Variants in BRWD1 observed in about 807,000 individuals in gnomAD.
The protein encoded by BRWD1 is bromodomain and WD repeat-containing protein 1.
In BRWD1, 82 loss-of-function variants were observed where a neutral mutation model predicts 251.2. That is an observed-to-expected ratio of 0.33 (90% CI 0.27 to 0.39). The LOEUF is 0.39. Ranked by LOEUF, BRWD1 falls within the 10% of genes least tolerant of loss-of-function variation. The pLI is 1.00. For synonymous variants in BRWD1, 918 were observed against 902.8 expected, an observed-to-expected ratio of 1.02 and a Z score of -0.30; for missense variants, 2,233 against 2,711.6, an observed-to-expected ratio of 0.82 and a Z score of 3.92.
intron 21 of BRWD1, among the ~76,000 whole-genome samples, chr21:39,244,944 A>ATATATATATATATATATATATG: frequency 6.8e-6 from 1 of 146,706 alleles, no homozygotes; most frequent in Non-Finnish European, 1.5e-5. Flanking sequence ...ATATATATAT[A>ATATATATATATATATATATATG]TGCAGAAAAA....
chr21:39,314,330 A>G (rs1434443410), upstream of BRWD1: 3 of 455,892 alleles, frequency 6.6e-6, no homozygotes, highest in East Asian at 7.0e-5. Context: ...AGAAAATTAC[A>G]TAAAATGCAG....
chr21:39,247,622 G>A, intron 21 of BRWD1, 79 bp downstream of exon 21: 1 of 1,356,108 alleles, frequency 7.4e-7, no homozygotes, highest in Non-Finnish European at 1.0e-6. Context: ...TATAAATTTG[G>A]GGTATATTCA....
Position 39,218,670 on chromosome 21 carries a change from C to T in BRWD1, c.3383-10G>A. On this transcript the variant is annotated splice_polypyrimidine_tract_variant and intron_variant, in intron 29 of 40. Transcript: ENST00000342449. ...TCTTCAGGTGGATCAACTATGAATA[C>T]CATAAAAAACAATGAGAGGAAGAAA... 6.4e-7 allele frequency: 1 copy of T among 1,559,538 alleles called. No homozygotes were observed. The highest frequency in any genetic ancestry group is 8.6e-7 in the Non-Finnish European group (1 of 1,160,610).
intron 5 of BRWD1, chr21:39,297,046 C>A (rs1356065200): frequency 1.0e-6 from 1 of 985,212 alleles, no homozygotes; most frequent in Non-Finnish European, 1.2e-6. Context: ...TACTGAAGAG[C>A]ACATACGTAG....
chr21:39,278,532 A>G (rs1028224449), intron 10 of BRWD1: 44 of 507,116 alleles, frequency 8.7e-5, no homozygotes, highest in African/African-American at 6.9e-4. Context: ...GCCATCTCTT[A>G]TATCACTGAT....
intron 26 of BRWD1, 63 bp from the exon 27 acceptor site, chr21:39,228,645 G>T: frequency 1.1e-6 from 1 of 888,666 alleles, no homozygotes; most frequent in Non-Finnish European, 1.8e-6. Flanking sequence ...TCTAAAAGCA[G>T]CACTGTCCAA....
At chr21:39,229,483 A>G (rs1478837197) in intron 25 of BRWD1, 47 bp from the exon 26 acceptor site, 1 of 1,516,162 alleles carries the variant, frequency 6.6e-7, no homozygotes. Flanking sequence ...GCAATTCCTT[A>G]ATACTATAAT....
At chr21:39,217,043 A>C (rs867705680) in intron 31 of BRWD1, 1 of 17,472 alleles carries the variant, frequency 5.7e-5, no homozygotes, top group Non-Finnish European at 1.2e-4. Context: ...ATAAATATAT[A>C]TATATATTTA....
Position 39,191,381 on chromosome 21 carries a change from A to G in BRWD1, c.*4878T>C, listed in dbSNP as rs772865014. Reference sequence around the variant, plus strand: ...GTCTGGAATTAACCAGCTAGAATGTATTTGGCTTGGAGTAGTGTTTTGTTT... The same window carrying G: ...GTCTGGAATTAACCAGCTAGAATGTGTTTGGCTTGGAGTAGTGTTTTGTTT... On this transcript the variant is annotated 3_prime_UTR_variant, in exon 41 of 41. Coordinates refer to ENST00000342449, the MANE Select transcript of BRWD1 (RefSeq NM_033656.4). The G allele has an allele frequency of 3.0e-6, 3 of 985,348 alleles. No individual in the cohort carries two copies. Among genetic ancestry groups the G allele is most frequent in the Non-Finnish European group, 1.2e-6 (1 of 829,894 alleles). The allele number at this position is 985,348 out of a possible 1,614,324, so 61.0% of individuals were successfully genotyped here.
chr21:39,284,115 C>G (rs1016069608), intron 8 of BRWD1, among the ~76,000 whole-genome samples: 7 of 152,136 alleles, frequency 4.6e-5, no homozygotes, highest in African/African-American at 1.7e-4. Context: ...TTAATATATG[C>G]TGATCCTCTC....
chr21:39,215,793 A>G (rs1283579205), intron 31 of BRWD1, among the ~76,000 whole-genome samples: 1 of 152,146 alleles, frequency 6.6e-6, no homozygotes, highest in Non-Finnish European at 1.5e-5. Context: ...CAGGGGTTCA[A>G]GATCAGCCTG....
intron 13 of BRWD1, among the ~76,000 whole-genome samples, chr21:39,271,696 CAAAAAA>C (rs34900726): frequency 3.3e-5 from 2 of 59,842 alleles, no homozygotes; most frequent in East Asian, 6.2e-4. Context: ...GACTCCGTCT[CAAAAAA>C]AAAAAAAAAA....
rs2035878225 is a variant in BRWD1 at position 39,293,709 on chromosome 21, ATAAC to A, written c.831+98_831+101del. On this transcript the variant is annotated intron_variant, in intron 8 of 40. Coordinates refer to ENST00000342449, the MANE Select transcript of BRWD1 (RefSeq NM_033656.4). ...GATTATCACTTCTCTTACTTAAAAC[ATAAC>A]TAATACACATCTTACTATTTCTCAA... 4.6e-5 allele frequency: 39 copies of A among 855,006 alleles called. No individual in the cohort carries two copies. In the East Asian group the frequency reaches 9.3e-4, roughly 20 times the overall value. The allele number at this position is 855,006 out of a possible 1,614,324, so 53.0% of individuals were successfully genotyped here. A position where few individuals can be genotyped will look rare whatever the true frequency, so the allele number is the denominator to read the frequency against.
At position 39,295,767 on chromosome 21, in the gene BRWD1, A is replaced by T; in HGVS notation, c.585T>A (p.Asp195Glu). 1 of 1,604,840 alleles carries T rather than the reference A, an allele frequency of 6.2e-7. No homozygotes were observed. Among genetic ancestry groups the T allele is most frequent in the African/African-American group, 1.3e-5 (1 of 74,758 alleles). The change falls in exon 7 of 41, where the codon GAT becomes GAA. Residue 195 changes from aspartate to glutamate, a missense_variant. By Grantham distance (45) the Asp-to-Glu change is conservative. Transcript: ENST00000342449. Reference sequence around the variant, plus strand: ...CTGTAAAGATTCTATGTCCTGTCCTATCAAATGCTACACAGTAAACAGCAG... The same window carrying T: ...CTGTAAAGATTCTATGTCCTGTCCTTTCAAATGCTACACAGTAAACAGCAG... ...HLSAVYCVAF[D>E]RTGHRIFTGS... is the part of the protein sequence containing the mutation.
chr21:39,315,414 C>T (rs1403290659), upstream of BRWD1, among the ~76,000 whole-genome samples: 2 of 151,982 alleles, frequency 1.3e-5, no homozygotes, highest in African/African-American at 4.8e-5. Flanking sequence ...GCAGGCGGAT[C>T]ACGAGGTCAG....
At chr21:39,304,009 C>T (rs1274998097) in intron 4 of BRWD1, among the ~76,000 whole-genome samples, 20 of 151,322 alleles carry the variant, frequency 1.3e-4, no homozygotes, top group Admixed American at 4.0e-4. Context: ...GGCGTGGTGG[C>T]GGGCGCCTGT....
intron 15 of BRWD1, 100 bp from the exon 16 acceptor site, chr21:39,265,119 C>T: frequency 2.7e-6 from 3 of 1,115,744 alleles, no homozygotes; most frequent in Non-Finnish European, 1.2e-6. Context: ...TATATCCCTT[C>T]TGAAAAAAAA....
At chr21:39,184,536 C>CT (rs2031100096), downstream of BRWD1, 1 of 152,118 alleles carries the variant, frequency 6.6e-6, no homozygotes, top group South Asian at 2.1e-4. Flanking sequence ...CATTTTGTGA[C>CT]TTTGTCAGTA....
intron 1 of BRWD1, among the ~76,000 whole-genome samples, chr21:39,320,128 G>T (rs772601699): frequency 6.6e-6 from 1 of 152,162 alleles, no homozygotes; most frequent in Non-Finnish European, 1.5e-5. Context: ...TTTCCAATGG[G>T]ATTCATCTGG....
Sources: gnomAD v4.1 joint callset for allele counts (sites outside exome capture counted in the v4.1 genomes callset) on GRCh38, gnomAD v4.1.1 for gene constraint, MANE v1.5 for transcripts, NCBI Gene and HGNC (gene_info 2026-07-23, HGNC 2026-07-21) for gene names.